The following NPEPL1 variants were observed in gnomAD, a reference collection of about 807,000 sequenced individuals.
The protein encoded by NPEPL1 is probable aminopeptidase NPEPL1.
Under a neutral mutation model 52.4 loss-of-function variants are expected in NPEPL1, and 45 were observed. The observed-to-expected ratio is 0.86, with a 90% confidence interval of 0.68 to 1.10. The LOEUF is 1.10. NPEPL1 is among the 50% of genes least tolerant of loss of function. The probability of loss-of-function intolerance (pLI) is 0.00; values close to 1 mark genes in which losing one functional copy is unlikely to be tolerated. For synonymous variants in NPEPL1, 360 were observed against 314.7 expected (o/e 1.14, Z -1.52); for missense variants, 696 against 710.9 (o/e 0.98, Z 0.24).
At chr20:58,691,707 T>TC, upstream of NPEPL1, 6 of 726,238 alleles carry the variant, frequency 8.3e-6, no homozygotes, top group Non-Finnish European at 1.3e-5. Context: ...TTTTTTTTTT[T>TC]TTTTTTTCAT....
chr20:58,707,615 C>T (rs1418437078), intron 7 of NPEPL1, among the ~76,000 whole-genome samples: 1 of 152,068 alleles, frequency 6.6e-6, no homozygotes, highest in African/African-American at 2.4e-5. Flanking sequence ...CAAGTCACCA[C>T]CTCCAACCCC....
chr20:58,715,175 G>A lies in NPEPL1; in HGVS notation c.1421G>A (p.Arg474Gln), dbSNP rs370034029. 5.0e-6 allele frequency: 8 copies of A among 1,604,022 alleles called. No homozygotes were observed. The highest frequency in any genetic ancestry group is 1.7e-5 in the Admixed American group (1 of 59,172). The change falls in exon 12 of 12, where the codon CGA becomes CAA. Residue 474 changes from arginine (R) to glutamine (Q), a missense_variant. Transcript: ENST00000356091. ...CCTGCCCTTTGCTTGCAGGGTGAGCGAGCCACAGGCTTCGGTGTGGCCCTC... is the reference window on the plus strand; with the variant it reads ...CCTGCCCTTTGCTTGCAGGGTGAGCAAGCCACAGGCTTCGGTGTGGCCCTC... ...DIAAPVHAGE[R>Q]ATGFGVALLL...
At chr20:58,695,680 G>GA (rs2084473483) in intron 3 of NPEPL1, among the ~76,000 whole-genome samples, 3 of 152,190 alleles carry the variant, frequency 2.0e-5, no homozygotes, top group African/African-American at 7.2e-5. Flanking sequence ...TGTGCTCTCT[G>GA]AGGCCTGTAA....
chr20:58,709,947 C>A (rs1031464425), intron 7 of NPEPL1, among the ~76,000 whole-genome samples: 1 of 152,066 alleles, frequency 6.6e-6, no homozygotes, highest in African/African-American at 2.4e-5. Flanking sequence ...GTGATTACTA[C>A]CCCCTGCTGC....
At chr20:58,701,392 A>T (rs1601110325) in intron 6 of NPEPL1, among the ~76,000 whole-genome samples, 1 of 67,208 alleles carries the variant, frequency 1.5e-5, no homozygotes, top group Non-Finnish European at 2.8e-5. Context: ...GGAGGGGCCC[A>T]GTTTGGGTCC....
intron 3 of NPEPL1, among the ~76,000 whole-genome samples, chr20:58,696,004 C>A (rs1428817715): frequency 6.6e-6 from 1 of 152,216 alleles, no homozygotes; most frequent in African/African-American, 2.4e-5. Flanking sequence ...CCGACCTGCT[C>A]AGCCCTCTCC....
At chr20:58,706,262 CCTT>C (rs965542344) in intron 6 of NPEPL1, among the ~76,000 whole-genome samples, 6 of 152,250 alleles carry the variant, frequency 3.9e-5, no homozygotes, top group Non-Finnish European at 5.9e-5. Context: ...AGAGGTGGCC[CCTT>C]CTTCTGGCGA....
intron 1 of NPEPL1, chr20:58,693,297 C>T (rs2084392995): frequency 5.8e-6 from 1 of 171,386 alleles, no homozygotes; most frequent in Non-Finnish European, 1.2e-5. Flanking sequence ...CGCGAGGCCG[C>T]GACACCTGCG....
chr20:58,691,901 G>A (rs137992325), upstream of NPEPL1: 8 of 985,542 alleles, frequency 8.1e-6, no homozygotes, highest in African/African-American at 6.4e-5. Flanking sequence ...CCTGACCCTT[G>A]CATCTGACCC....
At chr20:58,707,318 C>T (rs540169806) in intron 7 of NPEPL1, 118 bp downstream of exon 7, 28 of 945,574 alleles carry the variant, frequency 3.0e-5, no homozygotes, top group African/African-American at 1.6e-4. Context: ...GTCTCCCCAG[C>T]GGATGCTTGT....
At chr20:58,707,927 TAAA>T (rs1568857454) in intron 7 of NPEPL1, among the ~76,000 whole-genome samples, 1 of 152,088 alleles carries the variant, frequency 6.6e-6, no homozygotes, top group Non-Finnish European at 1.5e-5. Context: ...AAAAAAAATT[TAAA>T]AACTAGCCAG....
At chr20:58,707,770 G>T (rs766673786) in intron 7 of NPEPL1, among the ~76,000 whole-genome samples, 1 of 152,130 alleles carries the variant, frequency 6.6e-6, no homozygotes, top group Non-Finnish European at 1.5e-5. Flanking sequence ...AGATGTCCCT[G>T]GGGCCATAAA....
At chr20:58,691,398 T>C (rs1054646166), upstream of NPEPL1, 5 of 461,168 alleles carry the variant, frequency 1.1e-5, no homozygotes, top group African/African-American at 1.8e-4. Flanking sequence ...TTTTTTTTTT[T>C]TTTGAGTGCC....
intron 3 of NPEPL1, among the ~76,000 whole-genome samples, chr20:58,696,054 G>T (rs889640897): frequency 2.6e-5 from 4 of 152,224 alleles, no homozygotes; most frequent in Admixed American, 2.6e-4. Flanking sequence ...TCTGTCTTTA[G>T]GGATTTTCTT....
rs1472434166 is a variant in NPEPL1 at position 58,713,790 on chromosome 20, CTTT to C, written c.1126-122_1126-120del. On this transcript the variant is annotated intron_variant, in intron 9 of 11. Transcript: ENST00000356091. The surrounding 1 kb of genome is among the most constrained non-coding windows in gnomAD (Gnocchi z 4.6). ...ATGGTCCTTTCTGCCTGTGTTTTTT[CTTT>C]TTTTCTCAACCGTCTCTTTTCTGGC... 4.0e-5 allele frequency: 48 copies of C among 1,200,202 alleles called. No individual in the cohort carries two copies. The highest frequency in any genetic ancestry group is 5.3e-5 in the Non-Finnish European group (48 of 904,780). The allele number at this position is 1,200,202 out of a possible 1,614,324, so 74.3% of individuals were successfully genotyped here.
At chr20:58,693,115 A>AGGCCCCGCCTCGCCCGCCGC (rs2084388622) in intron 1 of NPEPL1, 65 bp downstream of exon 1, 1 of 967,946 alleles carries the variant, frequency 1.0e-6, no homozygotes, top group Admixed American at 6.4e-5. Flanking sequence ...CGGCCCGCGG[A>AGGCCCCGCCTCGCCCGCCGC]GGCCCCGCCT....
chr20:58,699,114 C>T (rs1300892486), intron 4 of NPEPL1, 83 bp from the exon 5 acceptor site: 2 of 1,332,880 alleles, frequency 1.5e-6, no homozygotes, highest in Non-Finnish European at 2.1e-6. Context: ...AGCGGTTCAT[C>T]CCTGGCCCCA....
chr20:58,709,132 TGGA>T (rs2084789190), intron 7 of NPEPL1, among the ~76,000 whole-genome samples: 1 of 151,640 alleles, frequency 6.6e-6, no homozygotes, highest in Admixed American at 6.6e-5. Flanking sequence ...CCTCTAGAGG[TGGA>T]GGAGCACCTC....
intron 3 of NPEPL1, among the ~76,000 whole-genome samples, chr20:58,695,965 G>A (rs1473294731): frequency 1.3e-5 from 2 of 152,054 alleles, no homozygotes; most frequent in African/African-American, 2.4e-5. Flanking sequence ...GCCACCTCTC[G>A]GCATCCCCTT....
Sources: gnomAD v4.1 joint callset for allele counts (sites outside exome capture counted in the v4.1 genomes callset) on GRCh38, gnomAD v4.1.1 for gene constraint, Gnocchi (gnomAD v3.1) non-coding constraint, MANE v1.5 for transcripts, NCBI Gene and HGNC (gene_info 2026-07-23, HGNC 2026-07-21) for gene names.